Variants in TBC1D9 observed in about 807,000 individuals in gnomAD.
TBC1D9 encodes the protein TBC1 domain family member 9.
Under a neutral mutation model 132.0 loss-of-function variants are expected in TBC1D9, and 63 were observed. The ratio of observed to expected loss-of-function variants is 0.48; its 90% CI spans 0.39 to 0.59. The LOEUF (loss-of-function observed/expected upper bound fraction) is 0.59, where lower values mean the gene tolerates loss of function less well. Among genes scored for constraint, TBC1D9 ranks in the 20% least tolerant of loss-of-function variants. The pLI is 0.00. For synonymous variants in TBC1D9, 610 were observed against 609.9 expected (o/e 1.00, Z 0.00); for missense variants, 1,261 against 1,592.7 (o/e 0.79, Z 3.54).
intron 1 of TBC1D9, among the ~76,000 whole-genome samples, chr4:140,713,383 A>G (rs1447097069): frequency 6.6e-6 from 1 of 152,218 alleles, no homozygotes; most frequent in African/African-American, 2.4e-5. Context: ...TATTAAACTT[A>G]ATAATGGTTA....
intron 1 of TBC1D9, among the ~76,000 whole-genome samples, chr4:140,725,332 C>T (rs1738481985): frequency 6.6e-6 from 1 of 152,130 alleles, no homozygotes; most frequent in Admixed American, 6.5e-5. Flanking sequence ...GAGAACGACC[C>T]TGTATGGTCT....
chr4:140,672,534 A>G (rs992712225), intron 6 of TBC1D9, among the ~76,000 whole-genome samples: 1 of 152,184 alleles, frequency 6.6e-6, no homozygotes, highest in Non-Finnish European at 1.5e-5. Flanking sequence ...GAAAGGTTAC[A>G]TTATGTGTCT....
intron 1 of TBC1D9, among the ~76,000 whole-genome samples, chr4:140,707,358 T>C (rs1738165056): frequency 6.6e-6 from 1 of 152,222 alleles, no homozygotes; most frequent in African/African-American, 2.4e-5. Context: ...TGGATTTCCA[T>C]TCATTTCAGC....
intron 18 of TBC1D9, among the ~76,000 whole-genome samples, chr4:140,627,230 G>A (rs777026114): frequency 2.0e-5 from 3 of 152,150 alleles, no homozygotes; most frequent in Non-Finnish European, 4.4e-5. Flanking sequence ...CTAACCTACT[G>A]GGAAACAATG....
intron 2 of TBC1D9, among the ~76,000 whole-genome samples, chr4:140,697,172 T>A (rs893609434): frequency 4.6e-5 from 7 of 151,398 alleles, no homozygotes; most frequent in Non-Finnish European, 8.8e-5. Context: ...AGCACAGGAG[T>A]TTGAGATTAG....
At chr4:140,707,951 G>T (rs1738173256) in intron 1 of TBC1D9, among the ~76,000 whole-genome samples, 1 of 151,640 alleles carries the variant, frequency 6.6e-6, no homozygotes, top group South Asian at 2.1e-4. Context: ...TTACACTAAG[G>T]TAATTACTAC....
intron 20 of TBC1D9, 72 bp downstream of exon 20, chr4:140,624,044 T>C (rs1736666964): frequency 8.0e-7 from 1 of 1,244,316 alleles, no homozygotes. Flanking sequence ...TCTACATTTA[T>C]CGATGACTTT....
At chr4:140,660,652 C>T (rs1292710407) in intron 10 of TBC1D9, among the ~76,000 whole-genome samples, 2 of 152,086 alleles carry the variant, frequency 1.3e-5, no homozygotes, top group Non-Finnish European at 2.9e-5. Flanking sequence ...AGGCTCTGGA[C>T]TAGGTATTGG....
Position 140,624,410 on chromosome 4 carries a change from G to GAA in TBC1D9, c.2900-24_2900-23dup, listed in dbSNP as rs5862491. 3.8e-6 allele frequency: 6 copies of GAA among 1,595,788 alleles called. No homozygotes were observed. In the South Asian group the frequency reaches 5.6e-5, roughly 15 times the overall value. On this transcript the variant is annotated intron_variant, in intron 18 of 20. Transcript: ENST00000442267. ...ACAACTACCAAGAAATGGTTCAGAA[G>GAA]AAAAAAGTAGAATGTTATATAATAT...
intron 16 of TBC1D9, among the ~76,000 whole-genome samples, chr4:140,630,113 G>A (rs1211053644): frequency 6.6e-6 from 1 of 152,102 alleles, no homozygotes; most frequent in Non-Finnish European, 1.5e-5. Flanking sequence ...GACATCCTAG[G>A]TAGTTCTTTA....
At chr4:140,643,624 G>T in intron 13 of TBC1D9, 1 of 985,266 alleles carries the variant, frequency 1.0e-6, no homozygotes, top group Non-Finnish European at 1.5e-6. Flanking sequence ...TCTGCCGCAG[G>T]AACCGCCACA....
At position 140,622,655 on chromosome 4, in the gene TBC1D9, G is replaced by A. The variant is rs199802386; in HGVS notation, c.3341C>T (p.Pro1114Leu). The change falls in exon 21 of 21, where the codon CCG becomes CTG. Residue 1114 changes from proline (P) to leucine (L), a missense_variant. Around this residue, in one of 3 missense-constraint regions of TBC1D9, gnomAD observed 618 missense variants for 724.4 expected, o/e 0.85. Coordinates refer to ENST00000442267, the MANE Select transcript of TBC1D9 (RefSeq NM_015130.3). Reference sequence around the variant, plus strand: ...CTCGCTGTCGGGGGCCAGGCTGGCCGGCAGGGGCTCAACAGACTCCACCAC... The same window carrying A: ...CTCGCTGTCGGGGGCCAGGCTGGCCAGCAGGGGCTCAACAGACTCCACCAC... The part of the protein sequence containing the change: ...PYVVESVEPL[P>L]ASLAPDSEEH... The A allele has an allele frequency of 2.4e-5, 39 of 1,609,818 alleles. No individual in the cohort carries two copies. The East Asian group carries it at 3.3e-4, about 14-fold the overall frequency.
At chr4:140,677,239 A>G in intron 5 of TBC1D9, 138 bp from the exon 6 acceptor site, 1 of 955,064 alleles carries the variant, frequency 1.0e-6, no homozygotes, top group Non-Finnish European at 1.5e-6. Flanking sequence ...AGCTTTCTTT[A>G]TATTGAAGTT....
At chr4:140,693,291 T>A (rs1737904695) in intron 2 of TBC1D9, among the ~76,000 whole-genome samples, 2 of 152,134 alleles carry the variant, frequency 1.3e-5, no homozygotes, top group South Asian at 4.1e-4. Context: ...TTGCTACACT[T>A]TGCTGCCTTC....
chr4:140,677,085 C>T lies in TBC1D9; in HGVS notation c.868G>A (p.Ala290Thr). 6.2e-7 allele frequency: 1 copy of T among 1,613,768 alleles called. No individual in the cohort carries two copies. The highest frequency in any genetic ancestry group is 1.1e-5 in the South Asian group (1 of 91,074). Reference sequence around the variant, plus strand: ...AGTGCACGGTATCTCTCACTCTTTGCCCTGGCATCAAGATCACTGGAAAGC... The same window carrying T: ...AGTGCACGGTATCTCTCACTCTTTGTCCTGGCATCAAGATCACTGGAAAGC... ...SALKRDLDAR[A>T]KSERYRALFR... The change falls in exon 6 of 21, where the codon GCA becomes ACA. Residue 290 changes from alanine (A) to threonine (T), a missense_variant. Around this residue, in one of 3 missense-constraint regions of TBC1D9, gnomAD observed 550 missense variants for 699.0 expected, o/e 0.79. Transcript: ENST00000442267.
chr4:140,695,840 C>T lies in TBC1D9; in HGVS notation c.241+5664G>A, dbSNP rs185248184. Among the ~76,000 whole-genome samples, 659 of 152,240 alleles carry T rather than the reference C, an allele frequency of 4.3e-3. 3 individuals carry two copies. Among genetic ancestry groups the T allele is most frequent in the African/African-American group, 0.015 (618 of 41,518 alleles). ...CCTATTTTTACTCCAATGTGAGCCCCAGGTGCAAAATAGTCAATTCACTGG... is the reference window on the plus strand; with the variant it reads ...CCTATTTTTACTCCAATGTGAGCCCTAGGTGCAAAATAGTCAATTCACTGG... On this transcript the variant is annotated intron_variant, in intron 2 of 20. Coordinates refer to ENST00000442267, the MANE Select transcript of TBC1D9 (RefSeq NM_015130.3).
intron 13 of TBC1D9, chr4:140,642,688 A>G: frequency 1.5e-6 from 1 of 668,026 alleles, no homozygotes; most frequent in Non-Finnish European, 2.7e-6. Context: ...TCCCTGTTCC[A>G]ATAAGGGCAT....
intron 1 of TBC1D9, among the ~76,000 whole-genome samples, chr4:140,734,203 C>T (rs1182084071): frequency 6.6e-6 from 1 of 152,156 alleles, no homozygotes; most frequent in Non-Finnish European, 1.5e-5. Context: ...TAGCACTTCA[C>T]TGCAACCTCT....
intron 1 of TBC1D9, among the ~76,000 whole-genome samples, chr4:140,738,699 C>T (rs138335694): frequency 0.01 from 1,530 of 152,286 alleles, 22 homozygotes; most frequent in African/African-American, 0.034. Flanking sequence ...CTTTGTTGAA[C>T]ATTCATACAA....
Sources: allele counts gnomAD v4.1 joint callset (sites outside exome capture counted in the v4.1 genomes callset), GRCh38; gene constraint gnomAD v4.1.1; regional missense constraint gnomAD v4.1.1; transcripts MANE v1.5; gene names NCBI Gene and HGNC (gene_info 2026-07-23, HGNC 2026-07-21).